Variants in STK4 observed in about 807,000 individuals in gnomAD.
The protein encoded by STK4 is serine/threonine-protein kinase 4.
Under a neutral mutation model 64.9 loss-of-function variants are expected in STK4, and 30 were observed. That is an observed-to-expected ratio of 0.46 (90% CI 0.35 to 0.63). The LOEUF (loss-of-function observed/expected upper bound fraction) is 0.63, where lower values mean the gene tolerates loss of function less well. Ranked by LOEUF, STK4 falls within the 20% of genes least tolerant of loss-of-function variation. The probability of loss-of-function intolerance (pLI) is 0.01; values close to 1 mark genes in which losing one functional copy is unlikely to be tolerated. For missense variants in STK4, 466 were observed against 598.5 expected (o/e 0.78, Z 2.31); for synonymous variants, 177 against 199.0 (o/e 0.89, Z 0.93).
At chr20:45,064,307 T>C (rs1210677757) in intron 10 of STK4, among the ~76,000 whole-genome samples, 1 of 152,192 alleles carries the variant, frequency 6.6e-6, no homozygotes, top group African/African-American at 2.4e-5. Context: ...ACCAGTGCCA[T>C]GCTGGTTTGG....
intron 7 of STK4, among the ~76,000 whole-genome samples, chr20:44,997,574 C>T (rs1262545975): frequency 6.6e-6 from 1 of 152,178 alleles, no homozygotes; most frequent in Non-Finnish European, 1.5e-5. Context: ...CCTGTAGTTC[C>T]AGCTACCTGG....
At chr20:44,975,505 A>C (rs928099576) in intron 2 of STK4, 18 of 376,712 alleles carry the variant, frequency 4.8e-5, no homozygotes, top group Non-Finnish European at 1.1e-5. Flanking sequence ...TTTAAATATA[A>C]GGATATATAG....
Position 45,000,533 on chromosome 20 carries a change from C to T in STK4, c.960+13C>T, listed in dbSNP as rs778589622. On this transcript the variant is annotated intron_variant, in intron 8 of 10. Transcript: ENST00000372806. ...TGAAGAAAACTCAGTGAGTGGCAGCCGTTGCTGTGGGCCTCAGACATTGAT... is the reference window on the plus strand; with the variant it reads ...TGAAGAAAACTCAGTGAGTGGCAGCTGTTGCTGTGGGCCTCAGACATTGAT... The T allele has an allele frequency of 1.4e-5, 22 of 1,613,410 alleles. No homozygotes were observed. The highest frequency in any genetic ancestry group is 1.1e-4 in the East Asian group (5 of 44,864).
Position 45,060,439 on chromosome 20 carries a change from A to C in STK4, c.1306-14579A>C, listed in dbSNP as rs564907839. On this transcript the variant is annotated intron_variant, in intron 10 of 10. Transcript: ENST00000372806. ...ATGACCCCCTCTTCTCTGCACTATA[A>C]ATGTGTGACGAGATAAAGTTTTTTT... Among the ~76,000 whole-genome samples, 65 of 152,112 alleles carry C rather than the reference A, an allele frequency of 4.3e-4. 2 individuals are homozygous for C. In the South Asian group the frequency reaches 0.013, roughly 32 times the overall value.
At chr20:45,046,828 C>T (rs914950840) in intron 10 of STK4, among the ~76,000 whole-genome samples, 1 of 152,020 alleles carries the variant, frequency 6.6e-6, no homozygotes, top group South Asian at 2.1e-4. Context: ...ATTACAGGCA[C>T]CTGCCACCAC....
chr20:44,991,901 C>G (rs571573859), intron 5 of STK4, among the ~76,000 whole-genome samples: 1 of 152,188 alleles, frequency 6.6e-6, no homozygotes, highest in South Asian at 2.1e-4. Context: ...TGAGCTCAAG[C>G]AATCTGCCCC....
chr20:45,018,527 A>G (rs1205582151), intron 9 of STK4, among the ~76,000 whole-genome samples: 7 of 152,096 alleles, frequency 4.6e-5, no homozygotes, highest in African/African-American at 1.2e-4. Flanking sequence ...AGTTCATATG[A>G]ATCCAGAAAT....
At chr20:44,972,360 A>ATCTATTGT in intron 2 of STK4, 2 of 478,112 alleles carry the variant, frequency 4.2e-6, no homozygotes, top group Non-Finnish European at 7.5e-6. Flanking sequence ...CACGAAGAAT[A>ATCTATTGT]TCTATTGTTT....
In STK4 at chr20:45,037,802, T is replaced by C. The variant is rs573044155; in HGVS notation, c.1305+12672T>C. On this transcript the variant is annotated intron_variant, in intron 10 of 10. Transcript: ENST00000372806. ...GAATTGTCAGAACATAGTCAGTTAC[T>C]CATTTATTATTAGGTTGTACTTTTT... is the stretch of plus-strand genomic sequence containing the variant. Among the ~76,000 whole-genome samples, 6 of 152,302 alleles carry C rather than the reference T, an allele frequency of 3.9e-5. No individual in the cohort carries two copies. In the South Asian group the frequency reaches 1.2e-3, roughly 32 times the overall value.
rs1232305188 is a variant in STK4, at chr20:45,001,153, G to A, written c.961-14G>A. ...GTCAAATTAGCCCCAATTTGAGATTGTATCCTTTTACAGGAAGAGGATGAA... is the reference window on the plus strand; with the variant it reads ...GTCAAATTAGCCCCAATTTGAGATTATATCCTTTTACAGGAAGAGGATGAA... On this transcript the variant is annotated splice_polypyrimidine_tract_variant and intron_variant, in intron 8 of 10. Transcript: ENST00000372806. 3 of 1,597,726 alleles carry A rather than the reference G, an allele frequency of 1.9e-6. No individual in the cohort carries two copies. Among genetic ancestry groups the A allele is most frequent in the Non-Finnish European group, 1.7e-6 (2 of 1,167,316 alleles).
At chr20:45,069,895 A>G (rs887381016) in intron 10 of STK4, among the ~76,000 whole-genome samples, 1 of 152,262 alleles carries the variant, frequency 6.6e-6, no homozygotes, top group African/African-American at 2.4e-5. Flanking sequence ...TACAAGGTAC[A>G]TAATTGTTTT....
At chr20:45,034,323 A>G (rs1219655898) in intron 10 of STK4, among the ~76,000 whole-genome samples, 17 of 152,144 alleles carry the variant, frequency 1.1e-4, no homozygotes. Flanking sequence ...GATCAAGTTA[A>G]AAAGGAAGAG....
intron 10 of STK4, among the ~76,000 whole-genome samples, chr20:45,063,524 C>T (rs1303466391): frequency 1.3e-5 from 2 of 152,142 alleles, no homozygotes; most frequent in African/African-American, 2.4e-5. Context: ...CAAATATTTC[C>T]TCCCATTCTG....
intron 2 of STK4, 28 bp downstream of exon 2, chr20:44,972,186 C>A: frequency 6.3e-7 from 1 of 1,585,232 alleles, no homozygotes; most frequent in South Asian, 1.1e-5. Flanking sequence ...ATAGGTAGGT[C>A]ATTGGGTCCC....
chr20:44,995,610 A>G (rs75662012), intron 6 of STK4, among the ~76,000 whole-genome samples: 1 of 151,282 alleles, frequency 6.6e-6, no homozygotes, highest in Non-Finnish European at 1.5e-5. Flanking sequence ...CATCTCAAAA[A>G]AAAAAAAAAA....
chr20:45,053,711 A>G (rs1430964281), intron 10 of STK4, among the ~76,000 whole-genome samples: 2 of 152,178 alleles, frequency 1.3e-5, no homozygotes, highest in Non-Finnish European at 2.9e-5. Flanking sequence ...GTATCAGAGA[A>G]TGATAAACTT....
chr20:45,005,186 A>G (rs2067916340), intron 9 of STK4, among the ~76,000 whole-genome samples: 1 of 152,142 alleles, frequency 6.6e-6, no homozygotes, highest in Non-Finnish European at 1.5e-5. Flanking sequence ...ATGCATAAGT[A>G]TATGCTTACT....
At chr20:45,036,697 C>T (rs1018808479) in intron 10 of STK4, among the ~76,000 whole-genome samples, 2 of 152,054 alleles carry the variant, frequency 1.3e-5, no homozygotes, top group Admixed American at 6.6e-5. Flanking sequence ...ATCTTCCATC[C>T]GCGAATTGTT....
chr20:45,054,647 A>T (rs1211195426), intron 10 of STK4, among the ~76,000 whole-genome samples: 1 of 151,366 alleles, frequency 6.6e-6, no homozygotes. Context: ...TTTGATTTCA[A>T]CCACTTGCGG....
Sources: allele counts gnomAD v4.1 joint callset (sites outside exome capture counted in the v4.1 genomes callset), GRCh38; gene constraint gnomAD v4.1.1; transcripts MANE v1.5; gene names NCBI Gene and HGNC (gene_info 2026-07-23, HGNC 2026-07-21).